The following RBBP5 variants were observed in gnomAD, a reference collection of about 807,000 sequenced individuals.
RBBP5 encodes retinoblastoma-binding protein 5.
Under a neutral mutation model 72.2 loss-of-function variants are expected in RBBP5, and 5 were observed. The ratio of observed to expected loss-of-function variants is 0.07; its 90% CI spans 0.04 to 0.15. RBBP5 has a LOEUF of 0.15. RBBP5 is among the 10% of genes least tolerant of loss of function. RBBP5 has a pLI of 1.00. For synonymous variants in RBBP5, 209 were observed against 237.2 expected (o/e 0.88, Z 1.09); for missense variants, 322 against 652.2 (o/e 0.49, Z 5.51).
chr1:205,107,009 T>G (rs907672660), intron 3 of RBBP5, among the ~76,000 whole-genome samples: 2 of 148,116 alleles, frequency 1.4e-5, no homozygotes, highest in South Asian at 4.3e-4. Context: ...AAAATTACCA[T>G]AGACATATAT....
chr1:205,097,216 T>C, intron 11 of RBBP5, 110 bp downstream of exon 11: 9 of 1,062,280 alleles, frequency 8.5e-6, no homozygotes, highest in Non-Finnish European at 1.1e-5. Context: ...TTATCTCTTT[T>C]AGCTAATAAG....
In RBBP5 at chr1:205,110,240, G is replaced by C. The variant is rs532626664; in HGVS notation, c.218+4549C>G. On this transcript the variant is annotated intron_variant, in intron 3 of 13. Coordinates refer to ENST00000264515, the MANE Select transcript of RBBP5 (RefSeq NM_005057.4). ...TCACCATGTTGTCCAGGCTGGTCTC[G>C]AACTCCTGACCTCAAGTGATTGGTG... Among the ~76,000 whole-genome samples, 16 of 151,928 alleles carry C rather than the reference G, an allele frequency of 1.1e-4. No individual in the cohort carries two copies. In the South Asian group the frequency reaches 2.3e-3, roughly 22 times the overall value.
At position 205,088,632 on chromosome 1, in the gene RBBP5, A is replaced by C. The variant is rs1164363113; in HGVS notation, c.*155T>G. ...GTCGTATACTCTTCTTCCATAATTC[A>C]CTTCTTCATTTAAACATAAAATTCA... On this transcript the variant is annotated 3_prime_UTR_variant, in exon 14 of 14. Transcript: ENST00000264515. 1.5e-6 allele frequency: 1 copy of C among 683,626 alleles called. No individual in the cohort carries two copies. The highest frequency in any genetic ancestry group is 2.5e-6 in the Non-Finnish European group (1 of 400,634). 42.3% of individuals were successfully genotyped at this position (683,626 alleles called of 1,614,324 possible). A position where few individuals can be genotyped will look rare whatever the true frequency, so the allele number is the denominator to read the frequency against.
In RBBP5 at chr1:205,121,911, AC is replaced by A; in HGVS notation, c.-39del. Reference sequence around the variant, plus strand: ...TGGCCGCCCGGTCTCAGCTCCGGCAACAACACCTTCTCCCCGGCCGGCTTCA... The same window carrying A: ...TGGCCGCCCGGTCTCAGCTCCGGCAAAACACCTTCTCCCCGGCCGGCTTCA... On this transcript the variant is annotated 5_prime_UTR_variant, in exon 1 of 14. Coordinates refer to ENST00000264515, the MANE Select transcript of RBBP5 (RefSeq NM_005057.4). 6.2e-7 allele frequency: 1 copy of A among 1,607,948 alleles called. No individual in the cohort carries two copies. The highest frequency in any genetic ancestry group is 8.5e-7 in the Non-Finnish European group (1 of 1,179,824).
At chr1:205,092,243 G>C (rs1655376524) in intron 13 of RBBP5, among the ~76,000 whole-genome samples, 1 of 152,200 alleles carries the variant, frequency 6.6e-6, no homozygotes, top group African/African-American at 2.4e-5. Context: ...AATAAAGCCA[G>C]ATGTAATCCT....
At chr1:205,097,573 A>C (rs1375555209) in intron 10 of RBBP5, among the ~76,000 whole-genome samples, 178 bp from the exon 11 acceptor site, 2 of 152,220 alleles carry the variant, frequency 1.3e-5, no homozygotes, top group Non-Finnish European at 2.9e-5. Context: ...CTAGGCACTG[A>C]AAATAGTGCA....
intron 1 of RBBP5, among the ~76,000 whole-genome samples, chr1:205,120,002 T>A (rs1247428558): frequency 1.3e-5 from 2 of 152,146 alleles, no homozygotes; most frequent in African/African-American, 2.4e-5. Flanking sequence ...ACATTCAGCT[T>A]CTCCAAAGCT....
intron 1 of RBBP5, among the ~76,000 whole-genome samples, chr1:205,117,045 G>GT (rs963692467): frequency 4.6e-5 from 7 of 151,328 alleles, no homozygotes; most frequent in African/African-American, 9.7e-5. Flanking sequence ...GACCGGCCTG[G>GT]TTTTTTTTGT....
intron 4 of RBBP5, among the ~76,000 whole-genome samples, chr1:205,104,791 T>C (rs896729137): frequency 2.0e-5 from 3 of 151,942 alleles, no homozygotes; most frequent in Admixed American, 6.6e-5. Context: ...TGAGCCAAGA[T>C]GGCGCCACTG....
chr1:205,099,679 T>A lies in RBBP5; in HGVS notation c.978+62A>T. ...AATGTAATTTTTAGCTTCCTATGTATAAGGTTCTTTGATAAAAAGAAGGGG... is the reference window on the plus strand; with the variant it reads ...AATGTAATTTTTAGCTTCCTATGTAAAAGGTTCTTTGATAAAAAGAAGGGG... On this transcript the variant is annotated intron_variant, in intron 9 of 13. Coordinates refer to ENST00000264515, the MANE Select transcript of RBBP5 (RefSeq NM_005057.4). This position sits in a 1 kb window ranked among gnomAD's most constrained non-coding sequence, Gnocchi z 4.7. The A allele has an allele frequency of 6.8e-7, 1 of 1,467,724 alleles. No individual in the cohort carries two copies. Among genetic ancestry groups the A allele is most frequent in the South Asian group, 1.2e-5 (1 of 83,102 alleles). The allele number at this position is 1,467,724 out of a possible 1,614,324, so 90.9% of individuals were successfully genotyped here.
At chr1:205,103,330 C>G (rs374252353) in intron 5 of RBBP5, among the ~76,000 whole-genome samples, 19 of 151,956 alleles carry the variant, frequency 1.3e-4, no homozygotes, top group East Asian at 5.8e-4. Context: ...AATCAAGATG[C>G]CCAGTGGAAC....
At chr1:205,102,142 C>T (rs1655856185) in intron 5 of RBBP5, among the ~76,000 whole-genome samples, 1 of 152,088 alleles carries the variant, frequency 6.6e-6, no homozygotes, top group African/African-American at 2.4e-5. Flanking sequence ...GTGATCCGCC[C>T]ACCTCGGCCT....
intron 3 of RBBP5, among the ~76,000 whole-genome samples, chr1:205,113,686 A>AC (rs765454696): frequency 8.0e-6 from 1 of 125,730 alleles, no homozygotes; most frequent in East Asian, 2.1e-4. Context: ...AAAAATGTGT[A>AC]TTTTTTTTTT....
At chr1:205,112,661 AG>A (rs996342238) in intron 3 of RBBP5, among the ~76,000 whole-genome samples, 1 of 152,176 alleles carries the variant, frequency 6.6e-6, no homozygotes, top group Non-Finnish European at 1.5e-5. Context: ...TATGTAGTTG[AG>A]GAAAAAAAAC....
intron 3 of RBBP5, among the ~76,000 whole-genome samples, chr1:205,108,514 G>C (rs1656172895): frequency 1.3e-5 from 2 of 151,842 alleles, no homozygotes; most frequent in African/African-American, 4.8e-5. Context: ...GCTACACAAG[G>C]GTATACACTC....
Position 205,121,944 on chromosome 1 carries a change from T to G in RBBP5, c.-71A>C. 6.2e-7 allele frequency: 1 copy of G among 1,600,004 alleles called. No homozygotes were observed. The highest frequency in any genetic ancestry group is 8.5e-7 in the Non-Finnish European group (1 of 1,177,790). ...TTCTCCCCGGCCGGCTTCAGCAACT[T>G]GCGTCTAAGTGGTGGACGCCGCGAA... On this transcript the variant is annotated 5_prime_UTR_variant, in exon 1 of 14. Transcript: ENST00000264515.
Position 205,105,269 on chromosome 1 carries a change from G to A in RBBP5, c.219-101C>T. 3 of 1,343,948 alleles carry A rather than the reference G, an allele frequency of 2.2e-6. No individual in the cohort carries two copies. The South Asian group carries it at 4.1e-5, about 19-fold the overall frequency. The allele number at this position is 1,343,948 out of a possible 1,614,324, so 83.3% of individuals were successfully genotyped here. Reference sequence around the variant, plus strand: ...CACACACATTGCTGCAACTGCACAGGTCAACAATGTTTTTGGTTTTGTTCC... The same window carrying A: ...CACACACATTGCTGCAACTGCACAGATCAACAATGTTTTTGGTTTTGTTCC... On this transcript the variant is annotated intron_variant, in intron 3 of 13. Transcript: ENST00000264515.
intron 1 of RBBP5, among the ~76,000 whole-genome samples, chr1:205,117,906 T>TAAA (rs1656588991): frequency 6.6e-6 from 1 of 151,920 alleles, no homozygotes; most frequent in South Asian, 2.1e-4. Flanking sequence ...GCCTCACAGG[T>TAAA]TTAAGTGATT....
At chr1:205,102,179 C>T (rs1655857703) in intron 5 of RBBP5, among the ~76,000 whole-genome samples, 1 of 152,116 alleles carries the variant, frequency 6.6e-6, no homozygotes, top group Non-Finnish European at 1.5e-5. Context: ...TACAGGCATT[C>T]ACCACCACGC....
Sources: allele counts gnomAD v4.1 joint callset (sites outside exome capture counted in the v4.1 genomes callset), GRCh38; gene constraint gnomAD v4.1.1; non-coding constraint Gnocchi (gnomAD v3.1); transcripts MANE v1.5; gene names NCBI Gene and HGNC (gene_info 2026-07-23, HGNC 2026-07-21).